The following CAST variants were observed in gnomAD, a reference collection of about 807,000 sequenced individuals.
CAST encodes MIR583 host.
CAST carries 76 observed loss-of-function variants against 119.6 expected under a neutral mutation model. The observed-to-expected ratio is 0.64, with a 90% confidence interval of 0.53 to 0.77. The LOEUF (loss-of-function observed/expected upper bound fraction) is 0.77. CAST is among the 30% of genes least tolerant of loss of function. The probability of loss-of-function intolerance (pLI) is 0.00; values close to 1 mark genes in which losing one functional copy is unlikely to be tolerated. For synonymous variants in CAST, 319 were observed against 331.6 expected (o/e 0.96, Z 0.41); for missense variants, 953 against 946.5 (o/e 1.01, Z -0.09).
At chr5:96,684,277 T>C (rs1751790664) in intron 2 of CAST, among the ~76,000 whole-genome samples, 1 of 152,214 alleles carries the variant, frequency 6.6e-6, no homozygotes. Flanking sequence ...TCTATAAATC[T>C]TACCTCCTGT....
chr5:96,313,047 A>G, the CAST span, among the ~76,000 whole-genome samples: 1 of 152,132 alleles, frequency 6.6e-6, no homozygotes, highest in Non-Finnish European at 1.5e-5. Context: ...CACTGGATAT[A>G]TAGGATATAA....
intron 1 of CAST, among the ~76,000 whole-genome samples, chr5:96,575,209 G>A (rs990712231): frequency 2.0e-5 from 3 of 151,858 alleles, no homozygotes; most frequent in Non-Finnish European, 4.4e-5. Context: ...AGTTTCACAT[G>A]TTATTGTTAG....
upstream of CAST, among the ~76,000 whole-genome samples, chr5:96,525,600 A>G (rs1745585493): frequency 6.6e-6 from 1 of 152,158 alleles, no homozygotes; most frequent in Admixed American, 6.5e-5. Context: ...CTACTTAAAT[A>G]TTATCTATAT....
At chr5:96,186,526 A>G in the CAST span, among the ~76,000 whole-genome samples, 8 of 152,184 alleles carry the variant, frequency 5.3e-5, no homozygotes, top group Non-Finnish European at 1.0e-4. Flanking sequence ...TGTTCCTTCA[A>G]TACCTAGTTT....
the CAST span, among the ~76,000 whole-genome samples, chr5:96,467,216 G>A: frequency 1.3e-5 from 2 of 151,420 alleles, no homozygotes; most frequent in Non-Finnish European, 2.9e-5. Context: ...AGAGTTCTTT[G>A]TACATTAGGG....
At chr5:96,634,401 C>A (rs1747860035) in intron 1 of CAST, among the ~76,000 whole-genome samples, 2 of 152,208 alleles carry the variant, frequency 1.3e-5, no homozygotes, top group South Asian at 4.1e-4. Context: ...AAGCTCCTGG[C>A]AAATACATAT....
At chr5:96,401,987 T>C in the CAST span, among the ~76,000 whole-genome samples, 1 of 152,346 alleles carries the variant, frequency 6.6e-6, no homozygotes, top group Non-Finnish European at 1.5e-5. Flanking sequence ...ACCTGTATTG[T>C]TCCCTGAAGC....
At chr5:96,384,754 C>T in the CAST span, among the ~76,000 whole-genome samples, 317 of 152,192 alleles carry the variant, frequency 2.1e-3, no homozygotes, top group African/African-American at 7.4e-3. Flanking sequence ...CCAAGTGAGC[C>T]GAGAGAACAC....
chr5:96,550,468 A>T (rs1214963120), intron 1 of CAST, among the ~76,000 whole-genome samples: 1 of 152,242 alleles, frequency 6.6e-6, no homozygotes, highest in African/African-American at 2.4e-5. Flanking sequence ...AAACCAGAGC[A>T]GAAAGTCTAG....
the CAST span, among the ~76,000 whole-genome samples, chr5:96,359,681 A>G: frequency 6.6e-6 from 1 of 152,158 alleles, no homozygotes; most frequent in African/African-American, 2.4e-5. Context: ...TCTGGCTTGT[A>G]GGGTTTCTGC....
the CAST span, among the ~76,000 whole-genome samples, chr5:96,017,077 C>T: frequency 6.6e-6 from 1 of 152,028 alleles, no homozygotes; most frequent in Non-Finnish European, 1.5e-5. Context: ...AACTCATGAT[C>T]CACCTGCCTT....
the CAST span, among the ~76,000 whole-genome samples, chr5:96,217,189 C>A: frequency 7.8e-6 from 1 of 128,740 alleles, no homozygotes; most frequent in African/African-American, 3.0e-5. Context: ...CAGGTATACA[C>A]CACCATGCTA....
At chr5:96,121,246 C>CT in the CAST span, among the ~76,000 whole-genome samples, 1 of 152,040 alleles carries the variant, frequency 6.6e-6, no homozygotes. Flanking sequence ...AATGATGTGG[C>CT]TTTGGGGGAG....
At chr5:96,750,439 C>A in intron 19 of CAST, 148 bp from the exon 20 acceptor site, 1 of 441,138 alleles carries the variant, frequency 2.3e-6, no homozygotes, top group African/African-American at 2.0e-5. Context: ...CATGCTTTGA[C>A]TTATTTACTA....
the CAST span, among the ~76,000 whole-genome samples, chr5:96,196,138 A>G: frequency 1.3e-5 from 2 of 152,120 alleles, no homozygotes; most frequent in Non-Finnish European, 2.9e-5. Context: ...TCAACCATTA[A>G]TGGAAGGCTG....
At chr5:96,495,253 G>T in the CAST span, among the ~76,000 whole-genome samples, 3 of 151,442 alleles carry the variant, frequency 2.0e-5, no homozygotes, top group African/African-American at 7.3e-5. Flanking sequence ...ACTGTTTTTT[G>T]TTTTTTGTTT....
chr5:96,030,914 T>C, the CAST span, among the ~76,000 whole-genome samples: 1 of 152,168 alleles, frequency 6.6e-6, no homozygotes. Context: ...TGTGTGCTCT[T>C]ATCTCACCTG....
chr5:96,459,542 TAAGTA>T, the CAST span, among the ~76,000 whole-genome samples: 1 of 152,128 alleles, frequency 6.6e-6, no homozygotes, highest in East Asian at 1.9e-4. Context: ...TTAAAAAAAT[TAAGTA>T]TAGTAATTAC....
intron 1 of CAST, among the ~76,000 whole-genome samples, chr5:96,556,677 T>G (rs942108342): frequency 1.3e-5 from 2 of 151,936 alleles, no homozygotes; most frequent in African/African-American, 2.4e-5. Flanking sequence ...TAAAAAGAAA[T>G]GAACAAAGCC....
Sources: allele counts gnomAD v4.1 joint callset (sites outside exome capture counted in the v4.1 genomes callset), GRCh38; gene constraint gnomAD v4.1.1; transcripts MANE v1.5; gene names NCBI Gene and HGNC (gene_info 2026-07-23, HGNC 2026-07-21).